PLD5: variants seen among roughly 807,000 people sequenced by gnomAD.
The protein encoded by PLD5 is inactive phospholipase D5.
In PLD5, 36 loss-of-function variants were observed where a neutral mutation model predicts 61.1. The observed-to-expected ratio is 0.59, with a 90% CI of 0.45 to 0.78. PLD5 has a LOEUF of 0.78. Among genes scored for constraint, PLD5 ranks in the 30% least tolerant of loss-of-function variants. The pLI, the probability that PLD5 is intolerant of heterozygous loss-of-function variation, is 0.00. For missense variants in PLD5, 515 were observed against 644.4 expected, an observed-to-expected ratio of 0.80 and a Z score of 2.17; for synonymous variants, 243 against 242.8, an observed-to-expected ratio of 1.00 and a Z score of -0.01.
intron 1 of PLD5, among the ~76,000 whole-genome samples, chr1:242,504,074 C>T (rs74150739): frequency 0.091 from 13,889 of 152,002 alleles, 1,643 homozygotes; most frequent in African/African-American, 0.28. Context: ...TGTTATATTA[C>T]AAAACACATG....
At chr1:242,349,120 G>GT (rs1660328579) in intron 1 of PLD5, among the ~76,000 whole-genome samples, 1 of 152,168 alleles carries the variant, frequency 6.6e-6, no homozygotes, top group African/African-American at 2.4e-5. Flanking sequence ...AGTCCTGAAA[G>GT]GCAGGACAGC....
intron 5 of PLD5, among the ~76,000 whole-genome samples, chr1:242,198,701 CAAAAAAAAA>C (rs10603005): frequency 1.9e-5 from 1 of 51,570 alleles, no homozygotes; most frequent in Admixed American, 3.0e-4. Flanking sequence ...AAGTCCTTAG[CAAAAAAAAA>C]AAAAAAAAAA....
At chr1:242,130,517 A>G (rs1207801416) in intron 5 of PLD5, among the ~76,000 whole-genome samples, 1 of 152,190 alleles carries the variant, frequency 6.6e-6, no homozygotes, top group Non-Finnish European at 1.5e-5. Context: ...TTCTTCGAGA[A>G]ATCTCCACAC....
intron 1 of PLD5, among the ~76,000 whole-genome samples, chr1:242,508,365 C>T (rs1010728909): frequency 1.3e-5 from 2 of 151,272 alleles, no homozygotes; most frequent in Non-Finnish European, 2.9e-5. Context: ...AGGGGTGAAA[C>T]TCCGTCTCAA....
At chr1:242,220,938 T>C (rs1306735308) in intron 4 of PLD5, among the ~76,000 whole-genome samples, 2 of 152,082 alleles carry the variant, frequency 1.3e-5, no homozygotes, top group Non-Finnish European at 2.9e-5. Context: ...GTTTTTACTA[T>C]GTTGGCCAGG....
Position 242,395,069 on chromosome 1 carries a change from ATG to A in PLD5, c.190-46829_190-46828del, listed in dbSNP as rs1245982471. The stretch of plus-strand genomic sequence containing the variant: ...TATATATGAATATATATGTATATAT[ATG>A]AATATATATGTATATATATGAATAT... On this transcript the variant is annotated intron_variant, in intron 1 of 9. Transcript: ENST00000536534. 4.7e-5 allele frequency among the ~76,000 whole-genome samples: 6 copies of A among 128,662 alleles called. 1 individual carries two copies. Among genetic ancestry groups the A allele is most frequent in the South Asian group, 2.5e-4 (1 of 3,946 alleles). The allele number at this position is 128,662 out of a possible 152,430, so 84.4% of individuals were successfully genotyped here.
intron 1 of PLD5, among the ~76,000 whole-genome samples, chr1:242,420,020 A>G (rs1665051005): frequency 6.6e-6 from 1 of 152,154 alleles, no homozygotes; most frequent in Admixed American, 6.5e-5. Flanking sequence ...AACTCTCACA[A>G]AATTCTTCGA....
intron 5 of PLD5, among the ~76,000 whole-genome samples, chr1:242,141,621 C>T (rs963510498): frequency 8.2e-5 from 12 of 146,502 alleles, no homozygotes; most frequent in African/African-American, 3.1e-4. Flanking sequence ...TGTGAGTTTG[C>T]AAACTTATCC....
intron 1 of PLD5, among the ~76,000 whole-genome samples, chr1:242,519,642 T>G (rs1053147445): frequency 1.9e-4 from 29 of 152,186 alleles, no homozygotes; most frequent in Non-Finnish European, 4.4e-5. Context: ...AAAGAGTTTG[T>G]CTCTGCTAGC....
chr1:242,371,887 T>C (rs1179903337), intron 1 of PLD5, among the ~76,000 whole-genome samples: 2 of 152,166 alleles, frequency 1.3e-5, no homozygotes, highest in African/African-American at 4.8e-5. Flanking sequence ...TTAATTATAC[T>C]TTAAGTTCTG....
chr1:242,174,891 G>A (rs2148886650), intron 5 of PLD5, among the ~76,000 whole-genome samples: 1 of 152,278 alleles, frequency 6.6e-6, no homozygotes, highest in African/African-American at 2.4e-5. Flanking sequence ...ACACACCGGG[G>A]CCGGTCATGA....
intron 5 of PLD5, among the ~76,000 whole-genome samples, chr1:242,217,410 G>T (rs1670285052): frequency 6.6e-6 from 1 of 152,138 alleles, no homozygotes; most frequent in African/African-American, 2.4e-5. Flanking sequence ...ATCACCAAAA[G>T]TCAGGAGTTT....
At chr1:242,422,885 G>C (rs1007278859) in intron 1 of PLD5, among the ~76,000 whole-genome samples, 1 of 133,082 alleles carries the variant, frequency 7.5e-6, no homozygotes, top group Non-Finnish European at 1.6e-5. Flanking sequence ...GTCTCACTCT[G>C]TTCCCCAGGC....
rs151024135 is a variant in PLD5, at chr1:242,481,842, G to T, written c.189+42246C>A. On this transcript the variant is annotated intron_variant, in intron 1 of 9. Transcript: ENST00000536534. Reference sequence around the variant, plus strand: ...GCAGACTGACACCTCACACGGCCAGGTACTCCTCTCAGACAAAACTTCCAG... The same window carrying T: ...GCAGACTGACACCTCACACGGCCAGTTACTCCTCTCAGACAAAACTTCCAG... Among the ~76,000 whole-genome samples the T allele has an allele frequency of 8.9e-3, 1,352 of 152,232 alleles. 27 individuals are homozygous for T. Among genetic ancestry groups the T allele is most frequent in the African/African-American group, 0.03 (1,254 of 41,540 alleles).
chr1:242,509,566 C>A (rs1668838406), intron 1 of PLD5, among the ~76,000 whole-genome samples: 1 of 152,126 alleles, frequency 6.6e-6, no homozygotes, highest in Admixed American at 6.5e-5. Flanking sequence ...CCTTCTAATT[C>A]ATCTTGTTTT....
At chr1:242,098,777 A>T (rs893470778) in intron 9 of PLD5, among the ~76,000 whole-genome samples, 36 of 152,212 alleles carry the variant, frequency 2.4e-4, no homozygotes, top group Non-Finnish European at 1.0e-4. Flanking sequence ...TCCTTCTGCC[A>T]GTCAGGACCC....
intron 1 of PLD5, among the ~76,000 whole-genome samples, chr1:242,379,435 C>A (rs1188157771): frequency 2.6e-5 from 4 of 152,082 alleles, no homozygotes; most frequent in Non-Finnish European, 5.9e-5. Context: ...GGAATGGGGG[C>A]ACCACCAGCC....
At chr1:242,281,706 A>G (rs1313613675) in intron 3 of PLD5, among the ~76,000 whole-genome samples, 3 of 152,154 alleles carry the variant, frequency 2.0e-5, no homozygotes, top group African/African-American at 7.2e-5. Context: ...ATTCTTGAGA[A>G]TGGGGCTGCT....
intron 2 of PLD5, among the ~76,000 whole-genome samples, chr1:242,340,410 T>C (rs1392398295): frequency 6.6e-6 from 1 of 151,832 alleles, no homozygotes; most frequent in Non-Finnish European, 1.5e-5. Context: ...AGATCAAAGT[T>C]AATGTAGATA....
Sources: allele counts gnomAD v4.1 joint callset (sites outside exome capture counted in the v4.1 genomes callset), GRCh38; gene constraint gnomAD v4.1.1; transcripts MANE v1.5; gene names NCBI Gene and HGNC (gene_info 2026-07-23, HGNC 2026-07-21).